Variants in LCN8 observed in about 807,000 individuals in gnomAD.
LCN8 encodes lipocalin 8.
In LCN8, 16 loss-of-function variants were observed where a neutral mutation model predicts 22.8. The ratio of observed to expected loss-of-function variants is 0.70; its 90% CI spans 0.47 to 1.06. The LOEUF is 1.06. Ranked by LOEUF, LCN8 falls within the 50% of genes least tolerant of loss-of-function variation. LCN8 has a pLI of 0.00. For synonymous variants in LCN8, 92 were observed against 83.4 expected, an observed-to-expected ratio of 1.10 and a Z score of -0.56; for missense variants, 189 against 203.3, an observed-to-expected ratio of 0.93 and a Z score of 0.43.
At chr9:136,755,357 C>T (rs551900997) in intron 4 of LCN8, 24 bp from the exon 5 acceptor site, 26 of 1,609,796 alleles carry the variant, frequency 1.6e-5, no homozygotes, top group African/African-American at 5.3e-5. Context: ...GGGGGCTGGG[C>T]GGGCAGTCCC....
rs1020161411 is a variant in LCN8 at position 136,756,583 on chromosome 9, G to C, written c.165C>G (p.Ser55Arg). 2.5e-6 allele frequency: 4 copies of C among 1,613,222 alleles called. No individual in the cohort carries two copies. The African/African-American group carries it at 5.3e-5, about 22-fold the overall frequency. ...AGCCCACGATCTTCTCTATCTCACA[G>C]CTTCCTGAGCTGAAAGGCAGCAAAG... ...TVKVAYNSSGSCEIEKIVGSE... is the reference protein window; with the variant it reads ...TVKVAYNSSGRCEIEKIVGSE... Residue 55 changes from serine (S) to arginine (R), a missense_variant, in exon 3 of 7, where the codon AGC becomes AGG. Ser to Arg is a moderately radical substitution (Grantham distance 110). Transcript: ENST00000371688.
At chr9:136,757,647 C>A in intron 1 of LCN8, 1 of 1,423,408 alleles carries the variant, frequency 7.0e-7, no homozygotes, top group Non-Finnish European at 9.2e-7. Flanking sequence ...CCGGGACTTC[C>A]GCTGAGACTT....
chr9:136,757,817 G>A (rs7045311), intron 1 of LCN8, 90 bp downstream of exon 1: 216,540 of 1,608,408 alleles, frequency 0.13, 14,897 homozygotes, highest in Middle Eastern at 0.18. Context: ...GCGTCCCCAC[G>A]AGCTCCCCAC....
At chr9:136,754,923 C>T in intron 6 of LCN8, 1 of 1,380,360 alleles carries the variant, frequency 7.2e-7, no homozygotes, top group Non-Finnish European at 9.3e-7. Flanking sequence ...CCTAGGGTCA[C>T]CACCCTGGAG....
At chr9:136,758,375 T>C, upstream of LCN8, 2 of 1,019,864 alleles carry the variant, frequency 2.0e-6, no homozygotes, top group African/African-American at 1.7e-5. Flanking sequence ...CTGTGGGCAC[T>C]GATGGGCAAC....
intron 1 of LCN8, chr9:136,757,695 G>A (rs1847243265): frequency 1.6e-5 from 16 of 985,302 alleles, no homozygotes; most frequent in South Asian, 1.4e-4. Context: ...AAGAATCTTC[G>A]TCTCCGGCAT....
Position 136,758,169 on chromosome 9 carries a change from C to T in LCN8, c.-239G>A, listed in dbSNP as rs1847254679. ...CATCGGCCCTGGTGACACCCACGCC[C>T]ACCGCAGGGGTTAGCCTGGCCTAGA... is the stretch of plus-strand genomic sequence containing the variant. On this transcript the variant is annotated 5_prime_UTR_variant, in exon 1 of 7. Transcript: ENST00000371688. 3.5e-6 allele frequency: 5 copies of T among 1,428,340 alleles called. No individual in the cohort carries two copies. The East Asian group carries it at 1.3e-4, about 36-fold the overall frequency. The allele number at this position is 1,428,340 out of a possible 1,614,324, so 88.5% of individuals were successfully genotyped here.
rs780826566 is a variant in LCN8, at chr9:136,755,487, C to T, written c.256G>A (p.Asp86Asn). ...GHREIHVLDT[D>N]YEGYAILRVS... is the part of the protein sequence containing the mutation. ...CGCAGGATGGCGTAGCCCTCGTAGT[C>T]GGTGTCCAGCACGTGGATCTCTCTG... is the stretch of plus-strand genomic sequence containing the variant. Residue 86 changes from aspartate (D) to asparagine (N), a missense_variant, in exon 4 of 7, where the codon GAC becomes AAC. Coordinates refer to ENST00000371688, the MANE Select transcript of LCN8 (RefSeq NM_178469.4). 11 of 1,612,796 alleles carry T rather than the reference C, an allele frequency of 6.8e-6. No homozygotes were observed. Among genetic ancestry groups the T allele is most frequent in the African/African-American group, 1.3e-5 (1 of 74,944 alleles).
At chr9:136,758,423 G>T (rs143636255), upstream of LCN8, 3 of 996,290 alleles carry the variant, frequency 3.0e-6, no homozygotes, top group East Asian at 1.1e-4. Context: ...GCCACCCCAC[G>T]CCTGGCCCTT....
intron 6 of LCN8, chr9:136,754,717 G>A: frequency 7.1e-7 from 1 of 1,406,790 alleles, no homozygotes; most frequent in African/African-American, 1.5e-5. Flanking sequence ...GAGACACTGG[G>A]TTCTCGCAGT....
intron 1 of LCN8, 69 bp downstream of exon 1, chr9:136,757,838 G>C: frequency 1.9e-6 from 3 of 1,612,304 alleles, no homozygotes; most frequent in Non-Finnish European, 2.5e-6. Context: ...ACCGGGAGAG[G>C]CCTCCTTCCC....
chr9:136,757,130 A>G lies in LCN8; in HGVS notation c.63T>C (p.Asp21=), dbSNP rs1847228381. 1 of 1,613,366 alleles carries G rather than the reference A, an allele frequency of 6.2e-7. No individual in the cohort carries two copies. ...GFWREVGVAS[D]QSLVLTAPKR... ...TCGGGGCCGTCAGCACCAGGCTTTG[A>G]TCGGAGGCCACACCGACTTCCCTCC... The change falls in exon 2 of 7, where the codon GAT becomes GAC. Residue 21 remains aspartate, a synonymous_variant. Coordinates refer to ENST00000371688, the MANE Select transcript of LCN8 (RefSeq NM_178469.4).
chr9:136,754,699 A>G (rs1453396124), intron 6 of LCN8, 190 bp from the exon 7 acceptor site: 2 of 1,411,856 alleles, frequency 1.4e-6, no homozygotes, highest in Non-Finnish European at 1.8e-6. Context: ...AGACAAAGCG[A>G]GGTGAGGGAG....
rs746818683 is a variant in LCN8, at chr9:136,755,350, G to C, written c.332-17C>G. The C allele has an allele frequency of 1.2e-6, 2 of 1,609,928 alleles. No homozygotes were observed. The highest frequency in any genetic ancestry group is 2.7e-5 in the African/African-American group (2 of 75,066). The stretch of plus-strand genomic sequence containing the variant: ...GGCTCCGAGCTGTGGGGCACAGGGG[G>C]GCTGGGCGGGCAGTCCCTGGGAGAG... On this transcript the variant is annotated splice_polypyrimidine_tract_variant and intron_variant, in intron 4 of 6. Coordinates refer to ENST00000371688, the MANE Select transcript of LCN8 (RefSeq NM_178469.4).
intron 1 of LCN8, chr9:136,757,401 A>C (rs1031762396): frequency 7.1e-6 from 10 of 1,417,110 alleles, no homozygotes; most frequent in East Asian, 5.2e-5. Context: ...GCCCCTCCCC[A>C]CTGGGCCATC....
intron 2 of LCN8, 104 bp downstream of exon 2, chr9:136,756,934 G>C (rs952261918): frequency 7.4e-7 from 1 of 1,349,422 alleles, no homozygotes; most frequent in Non-Finnish European, 1.0e-6. Flanking sequence ...CCACCAGCGG[G>C]ACGGCACTCA....
rs1847222001 is a variant in LCN8 at position 136,756,955 on chromosome 9, C to A, written c.155+83G>T. ...GCGGGACGGCACTCAGCCCAGACCCCACGCTGCAGCGGGTGCAGCAACCCA... is the reference window on the plus strand; with the variant it reads ...GCGGGACGGCACTCAGCCCAGACCCAACGCTGCAGCGGGTGCAGCAACCCA... On this transcript the variant is annotated intron_variant, in intron 2 of 6. Coordinates refer to ENST00000371688, the MANE Select transcript of LCN8 (RefSeq NM_178469.4). The A allele has an allele frequency of 2.0e-6, 3 of 1,477,780 alleles. No homozygotes were observed. In the East Asian group the frequency reaches 7.2e-5, roughly 36 times the overall value. 91.5% of individuals were successfully genotyped at this position (1,477,780 alleles called of 1,614,324 possible).
chr9:136,758,475 G>A (rs1588310738), upstream of LCN8: 1 of 991,962 alleles, frequency 1.0e-6, no homozygotes, highest in South Asian at 4.6e-5. Context: ...GAGCTCCGGA[G>A]GCCGGAGGCA....
chr9:136,757,799 G>C, intron 1 of LCN8, 108 bp downstream of exon 1: 1 of 1,606,050 alleles, frequency 6.2e-7, no homozygotes, highest in Non-Finnish European at 8.5e-7. Flanking sequence ...GTGTCTAGCC[G>C]GGCACCAGCG....
Sources: gnomAD v4.1 joint callset for allele counts on GRCh38, gnomAD v4.1.1 for gene constraint, MANE v1.5 for transcripts, NCBI Gene and HGNC (gene_info 2026-07-23, HGNC 2026-07-21) for gene names.